The following CPNE4 variants were observed in gnomAD, a reference collection of about 807,000 sequenced individuals.
CPNE4 encodes the protein copine-4.
A neutral mutation model predicts 67.9 loss-of-function variants in CPNE4; 25 were observed. The observed-to-expected ratio is 0.37, with a 90% CI of 0.27 to 0.51. The LOEUF (loss-of-function observed/expected upper bound fraction) is 0.51, where lower values mean the gene tolerates loss of function less well. CPNE4 is among the 20% of genes least tolerant of loss of function. CPNE4 has a pLI of 0.93. For synonymous variants in CPNE4, 242 were observed against 244.9 expected (o/e 0.99, Z 0.11); for missense variants, 464 against 690.8 (o/e 0.67, Z 3.68).
At chr3:131,679,034 T>G (rs1308345480) in intron 6 of CPNE4, among the ~76,000 whole-genome samples, 1 of 152,226 alleles carries the variant, frequency 6.6e-6, no homozygotes, top group Non-Finnish European at 1.5e-5. Flanking sequence ...CTGGTAGAAT[T>G]AAGCTTTGAA....
intron 2 of CPNE4, among the ~76,000 whole-genome samples, chr3:131,758,997 C>T (rs900047796): frequency 2.6e-5 from 4 of 152,230 alleles, no homozygotes; most frequent in African/African-American, 7.2e-5. Context: ...TATTTATCAG[C>T]AGAGTGAAAA....
intron 2 of CPNE4, among the ~76,000 whole-genome samples, chr3:131,728,637 G>A (rs369046251): frequency 3.3e-5 from 5 of 152,068 alleles, no homozygotes; most frequent in Admixed American, 6.6e-5. Context: ...GTGGCCGGGC[G>A]CAGTGGCTCA....
chr3:131,759,752 C>A (rs1365749176), intron 2 of CPNE4, among the ~76,000 whole-genome samples: 3 of 152,124 alleles, frequency 2.0e-5, no homozygotes, highest in Non-Finnish European at 4.4e-5. Flanking sequence ...TTTATAGGTT[C>A]TTTAAAACCT....
At chr3:131,920,860 C>T (rs1019601962) in intron 1 of CPNE4, among the ~76,000 whole-genome samples, 1 of 152,114 alleles carries the variant, frequency 6.6e-6, no homozygotes, top group Admixed American at 6.6e-5. Flanking sequence ...CACTGCTCCT[C>T]GATTCTCCTT....
intron 2 of CPNE4, among the ~76,000 whole-genome samples, chr3:131,896,603 T>C (rs2088348572): frequency 6.6e-6 from 1 of 152,122 alleles, no homozygotes; most frequent in South Asian, 2.1e-4. Flanking sequence ...AGAAAGTATC[T>C]GAGTTTTAAT....
At chr3:131,749,195 G>A (rs1221541884) in intron 2 of CPNE4, among the ~76,000 whole-genome samples, 1 of 152,076 alleles carries the variant, frequency 6.6e-6, no homozygotes, top group East Asian at 1.9e-4. Context: ...TTTGGATCAG[G>A]ATAATACAAG....
intron 12 of CPNE4, among the ~76,000 whole-genome samples, chr3:131,554,376 T>C (rs1369266128): frequency 4.6e-5 from 7 of 152,124 alleles, no homozygotes. Context: ...TTTTTAAAAG[T>C]GTGTCAAATA....
At chr3:131,738,709 T>C (rs1413033000) in intron 2 of CPNE4, among the ~76,000 whole-genome samples, 1 of 152,216 alleles carries the variant, frequency 6.6e-6, no homozygotes, top group African/African-American at 2.4e-5. Flanking sequence ...GGGGATATGT[T>C]TAGTGGTTAT....
intron 7 of CPNE4, among the ~76,000 whole-genome samples, chr3:131,657,167 G>C (rs1173257956): frequency 6.6e-6 from 1 of 152,144 alleles, no homozygotes; most frequent in Non-Finnish European, 1.5e-5. Context: ...AGTTATACAT[G>C]TTAAACTTGT....
intron 2 of CPNE4, among the ~76,000 whole-genome samples, chr3:131,860,402 A>C (rs1208318624): frequency 6.6e-6 from 1 of 152,216 alleles, no homozygotes; most frequent in Non-Finnish European, 1.5e-5. Context: ...CATTTTAATT[A>C]TAGCTATAAA....
Position 132,028,928 on chromosome 3 carries a change from T to TC in CPNE4, c.-2+5638_-2+5639insG, listed in dbSNP as rs1206587684. 2.6e-5 allele frequency among the ~76,000 whole-genome samples: 4 copies of TC among 151,666 alleles called. No homozygotes were observed. In the East Asian group the frequency reaches 7.7e-4, roughly 29 times the overall value. On this transcript the variant is annotated intron_variant, in intron 1 of 15. Coordinates refer to ENST00000429747, the MANE Select transcript of CPNE4 (RefSeq NM_130808.3). ...TAAAATATATTCTTAATTTTTCTTT[T>TC]TTTTTTTTTTAAAGGGTGAAGTTTG...
At chr3:131,889,962 C>T (rs1310017894) in intron 2 of CPNE4, among the ~76,000 whole-genome samples, 2 of 151,984 alleles carry the variant, frequency 1.3e-5, no homozygotes, top group Non-Finnish European at 2.9e-5. Flanking sequence ...AAGACTTAAA[C>T]ATAAGACCTG....
chr3:131,865,690 T>C (rs944777644), intron 2 of CPNE4, among the ~76,000 whole-genome samples: 3 of 152,206 alleles, frequency 2.0e-5, no homozygotes, highest in Non-Finnish European at 2.9e-5. Flanking sequence ...CAGCCTGGTA[T>C]TGAGTAGCAT....
chr3:131,774,889 A>G (rs965753385), intron 2 of CPNE4, among the ~76,000 whole-genome samples: 2 of 152,150 alleles, frequency 1.3e-5, no homozygotes, highest in Non-Finnish European at 2.9e-5. Flanking sequence ...TTTCAAGCCA[A>G]CTGTTAAACA....
At chr3:131,537,749 T>C (rs769302935) in intron 15 of CPNE4, 2 of 159,792 alleles carry the variant, frequency 1.3e-5, no homozygotes, top group South Asian at 1.7e-4. Flanking sequence ...ACTGGAGCTA[T>C]AGCAACCATT....
intron 2 of CPNE4, among the ~76,000 whole-genome samples, chr3:131,873,573 G>C (rs529121339): frequency 1.3e-5 from 2 of 152,308 alleles, no homozygotes; most frequent in East Asian, 3.9e-4. Context: ...AAATTCTGTC[G>C]TATGAGAAAC....
chr3:132,019,383 G>A (rs943814828), intron 1 of CPNE4, among the ~76,000 whole-genome samples: 1 of 152,092 alleles, frequency 6.6e-6, no homozygotes, highest in Non-Finnish European at 1.5e-5. Flanking sequence ...TGGTGAGTAA[G>A]AGAAACAGTC....
At chr3:131,874,379 C>T (rs2087351190) in intron 2 of CPNE4, among the ~76,000 whole-genome samples, 1 of 152,190 alleles carries the variant, frequency 6.6e-6, no homozygotes, top group Non-Finnish European at 1.5e-5. Context: ...TGAGCCACCG[C>T]GCCTGGCCTC....
chr3:131,589,660 T>C (rs146236763), intron 7 of CPNE4, among the ~76,000 whole-genome samples: 36 of 152,356 alleles, frequency 2.4e-4, no homozygotes, highest in Non-Finnish European at 2.2e-4. Flanking sequence ...AAAGTTTCTC[T>C]AAAATGGGGT....
Sources: gnomAD v4.1 joint callset for allele counts (sites outside exome capture counted in the v4.1 genomes callset) on GRCh38, gnomAD v4.1.1 for gene constraint, MANE v1.5 for transcripts, NCBI Gene and HGNC (gene_info 2026-07-23, HGNC 2026-07-21) for gene names.